Variants in PDSS1 observed in about 807,000 individuals in gnomAD.
The protein encoded by PDSS1 is decaprenyl diphosphate synthase subunit 1.
PDSS1 carries 43 observed loss-of-function variants against 57.5 expected under a neutral mutation model. The observed-to-expected ratio is 0.75, with a 90% CI of 0.59 to 0.96. The LOEUF (loss-of-function observed/expected upper bound fraction) is 0.96, where lower values mean the gene tolerates loss of function less well. PDSS1 is among the 50% of genes least tolerant of loss of function. PDSS1 has a pLI of 0.00. For missense variants in PDSS1, 438 were observed against 527.8 expected, an observed-to-expected ratio of 0.83 and a Z score of 1.67; for synonymous variants, 175 against 191.3, an observed-to-expected ratio of 0.91 and a Z score of 0.70.
At chr10:26,740,455 A>G (rs1419538836) in intron 10 of PDSS1, among the ~76,000 whole-genome samples, 1 of 152,240 alleles carries the variant, frequency 6.6e-6, no homozygotes, top group South Asian at 2.1e-4. Context: ...TGCTGGCTCT[A>G]TAAATTCTGT....
chr10:26,722,277 T>C (rs1277407304), intron 6 of PDSS1, among the ~76,000 whole-genome samples: 1 of 152,244 alleles, frequency 6.6e-6, no homozygotes, highest in Non-Finnish European at 1.5e-5. Context: ...ATGTATATTA[T>C]ATAAAGTGGT....
At chr10:26,722,111 G>C (rs147432005) in intron 6 of PDSS1, among the ~76,000 whole-genome samples, 1 of 152,100 alleles carries the variant, frequency 6.6e-6, no homozygotes, top group African/African-American at 2.4e-5. Flanking sequence ...GGATCTCCCC[G>C]GCCAGGTGAA....
chr10:26,702,058 C>G (rs1469080776), intron 1 of PDSS1, 104 bp from the exon 2 acceptor site: 3 of 433,920 alleles, frequency 6.9e-6, no homozygotes, highest in Non-Finnish European at 1.4e-5. Flanking sequence ...CCTGTAAGCC[C>G]CTTCGTTTTG....
intron 4 of PDSS1, 125 bp downstream of exon 4, chr10:26,705,519 G>A: frequency 2.4e-6 from 1 of 409,868 alleles, no homozygotes; most frequent in Non-Finnish European, 4.3e-6. Context: ...TGTTGCCCAG[G>A]CTTGAGTGCA....
chr10:26,731,129 A>ACCAGAGTTCAAGGCCAGGC (rs1358334427), intron 8 of PDSS1, among the ~76,000 whole-genome samples: 5 of 152,084 alleles, frequency 3.3e-5, no homozygotes, highest in Admixed American at 2.0e-4. Flanking sequence ...ATCACTTGAG[A>ACCAGAGTTCAAGGCCAGGC]CCAGAGTTCA....
At chr10:26,736,060 T>C (rs900736415) in intron 10 of PDSS1, among the ~76,000 whole-genome samples, 1 of 152,210 alleles carries the variant, frequency 6.6e-6, no homozygotes, top group East Asian at 1.9e-4. Flanking sequence ...TCTGCTGCTC[T>C]GAGAGAGGCT....
intron 11 of PDSS1, among the ~76,000 whole-genome samples, chr10:26,745,399 T>C (rs990724129): frequency 3.9e-5 from 6 of 152,118 alleles, no homozygotes; most frequent in South Asian, 2.1e-4. Context: ...CAAGAGCTCA[T>C]AGAAGATAAA....
rs559367168 is a variant in PDSS1 at position 26,726,451 on chromosome 10, T to TA, written c.831+2329dup. Among the ~76,000 whole-genome samples, 298 of 152,328 alleles carry TA rather than the reference T, an allele frequency of 2.0e-3. 1 individual carries two copies. Among genetic ancestry groups the TA allele is most frequent in the Non-Finnish European group, 3.4e-3 (230 of 68,036 alleles). ...ATGGGTGGAAATATTCCAGAGGTGT[T>TA]ATGGATTCAAAATGGCTATTTTTAC... On this transcript the variant is annotated intron_variant, in intron 8 of 11. Coordinates refer to ENST00000376215, the MANE Select transcript of PDSS1 (RefSeq NM_014317.5).
chr10:26,697,810 G>A lies in PDSS1; in HGVS notation c.99G>A (p.Gly33=). Reference sequence around the variant, plus strand: ...CCCCCGGCCGTGCGGGACCGTTGGGGCCGAGCGCCGCTGCCGAAGTCCGCG... The same window carrying A: ...CCCCCGGCCGTGCGGGACCGTTGGGACCGAGCGCCGCTGCCGAAGTCCGCG... ...PGSPGRAGPL[G]PSAAAEVRAQ... is the part of the protein sequence containing the mutation. Residue 33 remains glycine (G), a synonymous_variant, in exon 1 of 12, where the codon GGG becomes GGA. Transcript: ENST00000376215. 1 of 1,342,180 alleles carries A rather than the reference G, an allele frequency of 7.5e-7. No homozygotes were observed. The highest frequency in any genetic ancestry group is 9.6e-7 in the Non-Finnish European group (1 of 1,041,986). The allele number at this position is 1,342,180 out of a possible 1,614,324, so 83.1% of individuals were successfully genotyped here. A position where few individuals can be genotyped will look rare whatever the true frequency, so the allele number is the denominator to read the frequency against.
At position 26,707,393 on chromosome 10, in the gene PDSS1, G is replaced by A. The variant is rs559953976; in HGVS notation, c.336+1999G>A. Reference sequence around the variant, plus strand: ...AGCTGTGACCAATTAGTATTTTAGCGACACAGTTAACAACTGCTTGACCAT... The same window carrying A: ...AGCTGTGACCAATTAGTATTTTAGCAACACAGTTAACAACTGCTTGACCAT... On this transcript the variant is annotated intron_variant, in intron 4 of 11. Coordinates refer to ENST00000376215, the MANE Select transcript of PDSS1 (RefSeq NM_014317.5). Among the ~76,000 whole-genome samples, 14 of 152,154 alleles carry A rather than the reference G, an allele frequency of 9.2e-5. No homozygotes were observed. The South Asian group carries it at 2.5e-3, about 27-fold the overall frequency.
intron 8 of PDSS1, among the ~76,000 whole-genome samples, chr10:26,727,107 CTTA>C (rs1835979438): frequency 6.6e-6 from 1 of 151,620 alleles, no homozygotes; most frequent in Non-Finnish European, 1.5e-5. Flanking sequence ...CAAAAGATGA[CTTA>C]TTTATTTACA....
At chr10:26,734,149 T>A (rs1836308466) in intron 8 of PDSS1, among the ~76,000 whole-genome samples, 1 of 152,192 alleles carries the variant, frequency 6.6e-6, no homozygotes, top group South Asian at 2.1e-4. Flanking sequence ...GCCGAGGTCT[T>A]GTAGAGGGCA....
intron 11 of PDSS1, among the ~76,000 whole-genome samples, chr10:26,743,392 A>G (rs889868755): frequency 2.0e-5 from 3 of 152,232 alleles, no homozygotes; most frequent in Non-Finnish European, 4.4e-5. Flanking sequence ...AAAGACTTCC[A>G]AATAATTACC....
At chr10:26,720,112 A>T in intron 5 of PDSS1, 106 bp from the exon 6 acceptor site, 1 of 1,523,228 alleles carries the variant, frequency 6.6e-7, no homozygotes, top group South Asian at 1.2e-5. Context: ...TTTCTCTTAG[A>T]GAAATAACAT....
intron 5 of PDSS1, chr10:26,715,223 A>C (rs977431578): frequency 6.6e-6 from 1 of 152,212 alleles, no homozygotes; most frequent in African/African-American, 2.4e-5. Flanking sequence ...AGGGACACCC[A>C]TTAAGCTGGA....
At chr10:26,714,822 G>A (rs972838401) in intron 5 of PDSS1, 1 of 152,168 alleles carries the variant, frequency 6.6e-6, no homozygotes, top group African/African-American at 2.4e-5. Context: ...GATGTTTAGG[G>A]GGTCAAATTA....
At chr10:26,700,528 G>C (rs1482042040) in intron 1 of PDSS1, among the ~76,000 whole-genome samples, 1 of 152,126 alleles carries the variant, frequency 6.6e-6, no homozygotes, top group African/African-American at 2.4e-5. Flanking sequence ...GGAGGGACCA[G>C]GTGGAGGTAA....
intron 8 of PDSS1, among the ~76,000 whole-genome samples, chr10:26,731,007 G>A (rs1035329994): frequency 1.3e-5 from 2 of 152,032 alleles, no homozygotes; most frequent in African/African-American, 4.8e-5. Flanking sequence ...AGGAGTTCGA[G>A]ACCAGCCTGG....
At chr10:26,737,778 GA>G (rs1357999297) in intron 10 of PDSS1, among the ~76,000 whole-genome samples, 2 of 140,608 alleles carry the variant, frequency 1.4e-5, no homozygotes, top group Non-Finnish European at 3.1e-5. Context: ...CAAGCAAAAG[GA>G]AAAAAAAAGA....
Sources: allele counts gnomAD v4.1 joint callset (sites outside exome capture counted in the v4.1 genomes callset), GRCh38; gene constraint gnomAD v4.1.1; transcripts MANE v1.5; gene names NCBI Gene and HGNC (gene_info 2026-07-23, HGNC 2026-07-21).